The following LRFN5 variants were observed in gnomAD, a reference collection of about 807,000 sequenced individuals.
The protein encoded by LRFN5 is leucine rich repeat and fibronectin type III domain containing 5.
LRFN5 carries 24 observed loss-of-function variants against 45.6 expected under a neutral mutation model. The ratio of observed to expected loss-of-function variants is 0.53; its 90% CI spans 0.38 to 0.74. LRFN5 has a LOEUF of 0.74. Among genes scored for constraint, LRFN5 ranks in the 30% least tolerant of loss-of-function variants. The pLI is 0.00. For synonymous variants in LRFN5, 340 were observed against 313.8 expected (o/e 1.08, Z -0.88); for missense variants, 776 against 861.5 (o/e 0.90, Z 1.24).
intron 1 of LRFN5, among the ~76,000 whole-genome samples, chr14:41,619,168 T>C (rs1221060872): frequency 6.6e-6 from 1 of 152,160 alleles, no homozygotes; most frequent in African/African-American, 2.4e-5. Flanking sequence ...TATCTTCTAA[T>C]TATATTTTGG....
intron 2 of LRFN5, among the ~76,000 whole-genome samples, chr14:41,804,400 A>G (rs1887447688): frequency 6.6e-6 from 1 of 152,126 alleles, no homozygotes; most frequent in Non-Finnish European, 1.5e-5. Flanking sequence ...AAGCCTGAAA[A>G]GACATCTCAA....
intron 1 of LRFN5, among the ~76,000 whole-genome samples, chr14:41,707,627 A>T (rs190288515): frequency 0.01 from 1,572 of 152,172 alleles, 9 homozygotes; most frequent in East Asian, 0.02. Context: ...TTTCTCTCTT[A>T]ATCTATTTTC....
At chr14:41,807,002 T>A (rs1887548119) in intron 2 of LRFN5, among the ~76,000 whole-genome samples, 1 of 152,286 alleles carries the variant, frequency 6.6e-6, no homozygotes, top group Middle Eastern at 3.4e-3. Flanking sequence ...ACTACACTAC[T>A]ACCTTTTACT....
chr14:41,697,757 C>G (rs1405342145), intron 1 of LRFN5, among the ~76,000 whole-genome samples: 2 of 150,902 alleles, frequency 1.3e-5, no homozygotes, highest in East Asian at 3.9e-4. Flanking sequence ...ATAGCATATA[C>G]TAGTTTTTAA....
intron 1 of LRFN5, among the ~76,000 whole-genome samples, chr14:41,640,669 G>A (rs2138597085): frequency 6.6e-6 from 1 of 152,188 alleles, no homozygotes; most frequent in African/African-American, 2.4e-5. Flanking sequence ...TGATTAACTT[G>A]TATCTGGATA....
At chr14:41,890,257 A>G (rs1200703470) in intron 3 of LRFN5, among the ~76,000 whole-genome samples, 3 of 152,136 alleles carry the variant, frequency 2.0e-5, no homozygotes, top group Non-Finnish European at 4.4e-5. Context: ...GTAGCATACA[A>G]CGGGATGAGG....
chr14:41,835,992 C>G (rs915838588), intron 2 of LRFN5, among the ~76,000 whole-genome samples: 2 of 149,134 alleles, frequency 1.3e-5, no homozygotes, highest in African/African-American at 2.5e-5. Flanking sequence ...CACTATAATA[C>G]AAATACTATA....
chr14:41,688,409 T>C (rs888307189), intron 1 of LRFN5, among the ~76,000 whole-genome samples: 6 of 151,844 alleles, frequency 4.0e-5, no homozygotes, highest in East Asian at 3.9e-4. Context: ...TATGCCTGTA[T>C]CAAAATATGT....
At chr14:41,632,461 G>C (rs1566596125) in intron 1 of LRFN5, among the ~76,000 whole-genome samples, 1 of 152,054 alleles carries the variant, frequency 6.6e-6, no homozygotes, top group Non-Finnish European at 1.5e-5. Flanking sequence ...AAATTAGCTG[G>C]CTGTGGTGGT....
chr14:41,755,157 C>G (rs1566654145), intron 1 of LRFN5, among the ~76,000 whole-genome samples: 1 of 152,156 alleles, frequency 6.6e-6, no homozygotes, highest in African/African-American at 2.4e-5. Flanking sequence ...TGTTCTTTTA[C>G]ATTTGCTGAG....
intron 1 of LRFN5, among the ~76,000 whole-genome samples, chr14:41,764,269 T>C (rs892955696): frequency 1.3e-5 from 2 of 152,332 alleles, no homozygotes; most frequent in Middle Eastern, 3.4e-3. Context: ...TATATGAGCT[T>C]GCCCAAGGTT....
chr14:41,674,362 C>T (rs1168880333), intron 1 of LRFN5, among the ~76,000 whole-genome samples: 2 of 141,256 alleles, frequency 1.4e-5, no homozygotes, highest in Admixed American at 6.8e-5. Flanking sequence ...GATGGGGCGG[C>T]TGGCCGGGCG....
chr14:41,681,921 C>T (rs1040939212), intron 1 of LRFN5, among the ~76,000 whole-genome samples: 1 of 151,546 alleles, frequency 6.6e-6, no homozygotes, highest in Non-Finnish European at 1.5e-5. Context: ...CGGATTCAAG[C>T]AATTGTCCTG....
At chr14:41,770,468 A>T (rs1886041839) in intron 2 of LRFN5, among the ~76,000 whole-genome samples, 2 of 152,218 alleles carry the variant, frequency 1.3e-5, no homozygotes. Context: ...GTCCCAAAAT[A>T]CAATGATGCT....
intron 2 of LRFN5, among the ~76,000 whole-genome samples, chr14:41,872,109 T>G (rs185293527): frequency 1.3e-5 from 2 of 152,336 alleles, no homozygotes; most frequent in East Asian, 3.9e-4. Flanking sequence ...AGATGACAGA[T>G]GTAGGCTAAA....
At chr14:41,825,201 G>C (rs1307482302) in intron 2 of LRFN5, among the ~76,000 whole-genome samples, 1 of 152,124 alleles carries the variant, frequency 6.6e-6, no homozygotes, top group Non-Finnish European at 1.5e-5. Flanking sequence ...TGCCACTGTG[G>C]GTCCTGTCAC....
At chr14:41,671,403 C>G (rs1040124321) in intron 1 of LRFN5, among the ~76,000 whole-genome samples, 1 of 152,064 alleles carries the variant, frequency 6.6e-6, no homozygotes, top group Admixed American at 6.5e-5. Context: ...TGACATCTTT[C>G]TAGCTATTTA....
At chr14:41,862,205 G>T (rs1204667177) in intron 2 of LRFN5, among the ~76,000 whole-genome samples, 2 of 152,052 alleles carry the variant, frequency 1.3e-5, no homozygotes, top group Non-Finnish European at 2.9e-5. Flanking sequence ...CAGTATGAAT[G>T]GACTAATACA....
At chr14:41,633,505 C>T (rs565143321) in intron 1 of LRFN5, among the ~76,000 whole-genome samples, 3 of 151,982 alleles carry the variant, frequency 2.0e-5, no homozygotes, top group Non-Finnish European at 2.9e-5. Context: ...CTCTTAGATA[C>T]TGGTTTAACA....
Sources: allele counts gnomAD v4.1 joint callset (sites outside exome capture counted in the v4.1 genomes callset), GRCh38; gene constraint gnomAD v4.1.1; transcripts MANE v1.5; gene names NCBI Gene and HGNC (gene_info 2026-07-23, HGNC 2026-07-21).